Variants in FLYWCH1 observed in about 807,000 individuals in gnomAD.
The protein encoded by FLYWCH1 is FLYWCH-type zinc finger-containing protein 1.
A neutral mutation model predicts 66.4 loss-of-function variants in FLYWCH1; 75 were observed. That is an observed-to-expected ratio of 1.13 (90% CI 0.94 to 1.37). The LOEUF (loss-of-function observed/expected upper bound fraction) is 1.37. Ranked by LOEUF, FLYWCH1 falls within the 40% of genes most tolerant of loss-of-function variation. FLYWCH1 has a pLI of 0.00. For synonymous variants in FLYWCH1, 595 were observed against 429.9 expected (o/e 1.38, Z -4.75); for missense variants, 1,334 against 1,001.8 (o/e 1.33, Z -4.48).
chr16:2,932,117 C>CACAAA (rs544905877), intron 4 of FLYWCH1, among the ~76,000 whole-genome samples: 1 of 109,876 alleles, frequency 9.1e-6, no homozygotes, highest in Admixed American at 9.3e-5. Flanking sequence ...GACTCTGTCT[C>CACAAA]AAAAAAAAAA....
intron 2 of FLYWCH1, among the ~76,000 whole-genome samples, chr16:2,929,245 C>G (rs1175715872): frequency 1.3e-5 from 2 of 152,142 alleles, no homozygotes; most frequent in Non-Finnish European, 2.9e-5. Context: ...ATAACTGGGT[C>G]AATAAGAACG....
intron 4 of FLYWCH1, among the ~76,000 whole-genome samples, chr16:2,932,720 T>TA (rs904131395): frequency 2.0e-5 from 3 of 151,916 alleles, no homozygotes; most frequent in Admixed American, 1.3e-4. Flanking sequence ...AAACAAAACC[T>TA]AAAAAAAATA....
Position 2,937,310 on chromosome 16 carries a change from C to T in FLYWCH1, c.1703C>T (p.Pro568Leu). 1 of 1,603,612 alleles carries T rather than the reference C, an allele frequency of 6.2e-7. No individual in the cohort carries two copies. The highest frequency in any genetic ancestry group is 1.1e-5 in the South Asian group (1 of 90,048). ...ATGGTCATGCGCAGGCACTGCCACC[C>T]ACCGGACCTGGGCGGCCTGGAGGCC... ...RVMVMRRHCHPPDLGGLEALR... is the reference protein window; with the variant it reads ...RVMVMRRHCHLPDLGGLEALR... Residue 568 changes from proline (P) to leucine (L), a missense_variant, in exon 7 of 10, where the codon CCA (proline) becomes CTA (leucine). Physicochemically the swap from Pro to Leu is moderately conservative, Grantham distance 98. Coordinates refer to ENST00000253928, the MANE Select transcript of FLYWCH1 (RefSeq NM_001308068.2).
chr16:2,938,802 C>G (rs1276404439), intron 8 of FLYWCH1, among the ~76,000 whole-genome samples: 1 of 151,216 alleles, frequency 6.6e-6, no homozygotes, highest in South Asian at 2.1e-4. Flanking sequence ...TTAGTAGAGA[C>G]GGGGTTTCAC....
At chr16:2,936,637 C>T (rs1182420747) in intron 6 of FLYWCH1, 1 of 458,432 alleles carries the variant, frequency 2.2e-6, no homozygotes, top group Non-Finnish European at 4.4e-6. Flanking sequence ...TCACCACATC[C>T]AGGACAGTGG....
Position 2,948,950 on chromosome 16 carries a change from G to A in FLYWCH1, c.*223G>A, listed in dbSNP as rs1029041911. 5.5e-6 allele frequency: 3 copies of A among 547,300 alleles called. No homozygotes were observed. The highest frequency in any genetic ancestry group is 9.9e-6 in the Non-Finnish European group (3 of 303,374). The allele number at this position is 547,300 out of a possible 1,614,324, so 33.9% of individuals were successfully genotyped here. A position where few individuals can be genotyped will look rare whatever the true frequency, so the allele number is the denominator to read the frequency against. Reference sequence around the variant, plus strand: ...CTCAGAGCTGGCGCTTGCAGACGCAGCTGTCGTGGGGCAGGGCGGTGGCGC... The same window carrying A: ...CTCAGAGCTGGCGCTTGCAGACGCAACTGTCGTGGGGCAGGGCGGTGGCGC... On this transcript the variant is annotated 3_prime_UTR_variant, in exon 10 of 10. Coordinates refer to ENST00000253928, the MANE Select transcript of FLYWCH1 (RefSeq NM_001308068.2).
At chr16:2,918,930 G>T (rs533468799) in intron 2 of FLYWCH1, among the ~76,000 whole-genome samples, 10 of 152,172 alleles carry the variant, frequency 6.6e-5, no homozygotes, top group Non-Finnish European at 1.0e-4. Context: ...TACTGAATTT[G>T]TTAATTGGAT....
intron 2 of FLYWCH1, among the ~76,000 whole-genome samples, chr16:2,923,476 C>T (rs1399488137): frequency 6.6e-6 from 1 of 152,056 alleles, no homozygotes; most frequent in East Asian, 1.9e-4. Flanking sequence ...GAACTCCTGA[C>T]CTCAGGTGAT....
rs1205476122 is a variant in FLYWCH1, at chr16:2,951,163, A to T, written c.*2436A>T. ...GCCCTTTGACATGACAGTGCCAACA[A>T]CATCTCATGAAATTTAAAATAAATC... On this transcript the variant is annotated 3_prime_UTR_variant, in exon 10 of 10. Transcript: ENST00000253928. 2.6e-5 allele frequency: 4 copies of T among 152,258 alleles called. No individual in the cohort carries two copies. The highest frequency in any genetic ancestry group is 4.4e-5 in the Non-Finnish European group (3 of 68,042). 9.4% of individuals were successfully genotyped at this position (152,258 alleles called of 1,614,324 possible). A position where few individuals can be genotyped will look rare whatever the true frequency, so the allele number is the denominator to read the frequency against.
At chr16:2,922,985 C>T in intron 2 of FLYWCH1, 1 of 510,456 alleles carries the variant, frequency 2.0e-6, no homozygotes, top group South Asian at 1.4e-5. Context: ...CTTGGGCTGC[C>T]AGAAGGCGGG....
chr16:2,917,695 C>G (rs2070220049), intron 2 of FLYWCH1, among the ~76,000 whole-genome samples: 1 of 152,158 alleles, frequency 6.6e-6, no homozygotes, highest in Non-Finnish European at 1.5e-5. Context: ...CCAAGGTCAT[C>G]TATTCTAGTG....
chr16:2,944,996 T>G (rs1406779268), intron 9 of FLYWCH1, among the ~76,000 whole-genome samples: 1 of 152,106 alleles, frequency 6.6e-6, no homozygotes, highest in South Asian at 2.1e-4. Flanking sequence ...GATGGTGACA[T>G]GGATGACCCT....
chr16:2,938,547 G>A, intron 8 of FLYWCH1, 91 bp downstream of exon 8: 2 of 1,257,000 alleles, frequency 1.6e-6, no homozygotes, highest in Non-Finnish European at 2.1e-6. Flanking sequence ...CACCCACTGA[G>A]CAGACTGCTT....
chr16:2,930,037 C>T (rs757925057), intron 3 of FLYWCH1, 27 bp downstream of exon 3: 2 of 1,580,718 alleles, frequency 1.3e-6, no homozygotes, highest in Admixed American at 1.7e-5. Flanking sequence ...CGCCCCTGCC[C>T]AGCCACCCCG....
intron 1 of FLYWCH1, among the ~76,000 whole-genome samples, chr16:2,912,609 G>T (rs2070028304): frequency 6.6e-6 from 1 of 152,152 alleles, no homozygotes; most frequent in Non-Finnish European, 1.5e-5. Flanking sequence ...TGCCTTTTAC[G>T]CGTGTACTCT....
chr16:2,945,881 C>T (rs1339100821), intron 9 of FLYWCH1, among the ~76,000 whole-genome samples: 2 of 151,738 alleles, frequency 1.3e-5, no homozygotes, highest in Non-Finnish European at 2.9e-5. Context: ...CCTGTAGTCC[C>T]AGTTACTCGG....
Position 2,930,864 on chromosome 16 carries a change from C to A in FLYWCH1, c.780C>A (p.Arg260=). 6.3e-7 allele frequency: 1 copy of A among 1,597,260 alleles called. No homozygotes were observed. ...TGCTGAGCCTGCCGCCCAAGAAGCG[C>A]TCGATCCTGGGGCTGGGTGAGTACA... ...LSLLSLPPKK[R]SILGLGQARP... The change falls in exon 4 of 10, where the codon CGC becomes CGA. Residue 260 remains arginine, a synonymous_variant. Coordinates refer to ENST00000253928, the MANE Select transcript of FLYWCH1 (RefSeq NM_001308068.2).
intron 2 of FLYWCH1, among the ~76,000 whole-genome samples, chr16:2,927,734 C>A (rs1037606352): frequency 1.3e-5 from 2 of 152,194 alleles, no homozygotes; most frequent in Non-Finnish European, 2.9e-5. Context: ...ACACTGGGCG[C>A]CAGGTGAAGG....
At position 2,930,679 on chromosome 16, in the gene FLYWCH1, T is replaced by A; in HGVS notation, c.595T>A (p.Leu199Met). 1.3e-6 allele frequency: 2 copies of A among 1,544,620 alleles called. No homozygotes were observed. The highest frequency in any genetic ancestry group is 1.7e-6 in the Non-Finnish European group (2 of 1,147,208). ...GCCCAGCCTGGCCCTGCCAGAGGGCTTGGGAGAGCCCCAGGGTCCTGAGGG... is the reference window on the plus strand; with the variant it reads ...GCCCAGCCTGGCCCTGCCAGAGGGCATGGGAGAGCCCCAGGGTCCTGAGGG... ...KLPSLALPEG[L>M]GEPQGPEGPG... The change falls in exon 4 of 10, where the codon TTG becomes ATG. Residue 199 changes from leucine (L) to methionine (M), a missense_variant. Leu to Met is a conservative substitution (Grantham distance 15). Transcript: ENST00000253928.
Sources: gnomAD v4.1 joint callset for allele counts (sites outside exome capture counted in the v4.1 genomes callset) on GRCh38, gnomAD v4.1.1 for gene constraint, MANE v1.5 for transcripts, NCBI Gene and HGNC (gene_info 2026-07-23, HGNC 2026-07-21) for gene names.